The following CCDC18 variants were observed in gnomAD, a reference collection of about 807,000 sequenced individuals.
CCDC18 encodes coiled-coil domain-containing protein 18.
A neutral mutation model predicts 196.0 loss-of-function variants in CCDC18; 157 were observed. The observed-to-expected ratio is 0.80, with a 90% CI of 0.70 to 0.91. CCDC18 has a LOEUF of 0.91. Ranked by LOEUF, CCDC18 falls within the 40% of genes least tolerant of loss-of-function variation. The probability of loss-of-function intolerance (pLI) is 0.00; values close to 1 mark genes in which losing one functional copy is unlikely to be tolerated. For missense variants in CCDC18, 1,465 were observed against 1,611.6 expected (o/e 0.91, Z 1.56); for synonymous variants, 482 against 529.2 (o/e 0.91, Z 1.22).
chr1:93,240,500 A>G (rs1291474818), intron 21 of CCDC18, among the ~76,000 whole-genome samples: 3 of 152,212 alleles, frequency 2.0e-5, no homozygotes, highest in Non-Finnish European at 2.9e-5. Context: ...AGTATGAGAA[A>G]TAGGTTCAGA....
intron 11 of CCDC18, among the ~76,000 whole-genome samples, chr1:93,214,073 G>A (rs1656102158): frequency 6.6e-6 from 1 of 152,150 alleles, no homozygotes. Flanking sequence ...AAGGGGCATG[G>A]TCAAGTAACT....
chr1:93,217,592 T>G (rs1176830863), intron 13 of CCDC18, 146 bp from the exon 14 acceptor site: 4 of 607,772 alleles, frequency 6.6e-6, no homozygotes, highest in Non-Finnish European at 1.1e-5. Context: ...TGCCACCACA[T>G]CTACTTAGCT....
chr1:93,230,423 C>T (rs1255674983), intron 17 of CCDC18, among the ~76,000 whole-genome samples: 1 of 150,556 alleles, frequency 6.6e-6, no homozygotes, highest in Non-Finnish European at 1.5e-5. Flanking sequence ...ACCTGGGAGG[C>T]GGAGCTTGCA....
rs563825292 is a variant in CCDC18, at chr1:93,197,796, G to A, written c.698+4052G>A. 5.2e-4 allele frequency among the ~76,000 whole-genome samples: 68 copies of A among 129,584 alleles called. 1 individual carries two copies. The highest frequency in any genetic ancestry group is 1.2e-3 in the South Asian group (5 of 4,016). The allele number at this position is 129,584 out of a possible 152,430, so 85.0% of individuals were successfully genotyped here. A position where few individuals can be genotyped will look rare whatever the true frequency, so the allele number is the denominator to read the frequency against. Reference sequence around the variant, plus strand: ...AGACAGAGTCTCGCTCTGTCGCCCAGGCTGGAGTGCAGTGGCGCGATCTCG... The same window carrying A: ...AGACAGAGTCTCGCTCTGTCGCCCAAGCTGGAGTGCAGTGGCGCGATCTCG... On this transcript the variant is annotated intron_variant, in intron 6 of 28. Transcript: ENST00000690025.
chr1:93,222,776 C>T (rs1459092109), intron 16 of CCDC18, among the ~76,000 whole-genome samples: 1 of 152,152 alleles, frequency 6.6e-6, no homozygotes, highest in East Asian at 1.9e-4. Context: ...CTGAGTTGCC[C>T]GAAGTTTTGT....
At chr1:93,181,159 T>TTA (rs777168910) in intron 1 of CCDC18, among the ~76,000 whole-genome samples, 5 of 89,872 alleles carry the variant, frequency 5.6e-5, no homozygotes, top group Admixed American at 1.8e-4. Context: ...TCTATAAAAT[T>TTA]AAAAAAAAAA....
chr1:93,208,925 A>G (rs1655165953), intron 9 of CCDC18, among the ~76,000 whole-genome samples: 1 of 151,238 alleles, frequency 6.6e-6, no homozygotes, highest in Non-Finnish European at 1.5e-5. Context: ...TGGCCTCCCA[A>G]ACTGCTGGGA....
chr1:93,227,967 A>ATATATATAT (rs1176767918), intron 17 of CCDC18, among the ~76,000 whole-genome samples: 25 of 108,712 alleles, frequency 2.3e-4, no homozygotes, highest in African/African-American at 1.1e-3. Context: ...CAAAAAAAAA[A>ATATATATAT]AAAAATATAT....
chr1:93,200,907 A>G (rs1261513992), intron 6 of CCDC18, among the ~76,000 whole-genome samples: 1 of 152,236 alleles, frequency 6.6e-6, no homozygotes, highest in East Asian at 1.9e-4. Flanking sequence ...TGAGAAATAC[A>G]GGTATCCTTT....
At chr1:93,218,004 T>G in intron 14 of CCDC18, 135 bp downstream of exon 14, 1 of 666,048 alleles carries the variant, frequency 1.5e-6, no homozygotes, top group Admixed American at 2.7e-5. Context: ...AGAATCCCAA[T>G]CTTTCTGAAT....
chr1:93,202,086 G>C, intron 7 of CCDC18, 98 bp downstream of exon 7: 1 of 586,360 alleles, frequency 1.7e-6, no homozygotes, highest in Non-Finnish European at 2.8e-6. Context: ...TTGAGACAGA[G>C]AGTAATTTTT....
Position 93,210,918 on chromosome 1 carries a change from G to A in CCDC18, c.1326G>A (p.Ser442=), listed in dbSNP as rs1465708443. Residue 442 remains serine, a synonymous_variant, in exon 10 of 29, where the codon TCG becomes TCA. Coordinates refer to ENST00000690025, the MANE Select transcript of CCDC18 (RefSeq NM_001378204.1). ...GTGAGGCAAATAAATTGGTGATTTC[G>A]GAATTGAGGTACAATTTTCAGATTC... The part of the protein sequence containing the change: ...GCCEANKLVI[S]ELRIKLAIKE... The A allele has an allele frequency of 7.4e-6, 12 of 1,613,162 alleles. No individual in the cohort carries two copies. Among genetic ancestry groups the A allele is most frequent in the East Asian group, 4.5e-5 (2 of 44,832 alleles).
chr1:93,209,527 C>G (rs955236381), intron 9 of CCDC18, among the ~76,000 whole-genome samples: 2 of 152,108 alleles, frequency 1.3e-5, no homozygotes, highest in African/African-American at 4.8e-5. Flanking sequence ...TCTCAGAAAT[C>G]ATCTGATTCA....
chr1:93,195,096 C>G (rs1205132953), intron 6 of CCDC18, among the ~76,000 whole-genome samples: 2 of 152,122 alleles, frequency 1.3e-5, no homozygotes, highest in Non-Finnish European at 2.9e-5. Context: ...GTCTCAAACT[C>G]CTGACCTCAA....
intron 28 of CCDC18, chr1:93,273,446 A>T (rs1471079378): frequency 6.6e-6 from 1 of 152,240 alleles, no homozygotes; most frequent in Non-Finnish European, 1.5e-5. Context: ...ATTTAAGAAC[A>T]GGGAAGGTAT....
chr1:93,197,687 C>T (rs1322519744), intron 6 of CCDC18, among the ~76,000 whole-genome samples: 1 of 150,258 alleles, frequency 6.7e-6, no homozygotes, highest in Non-Finnish European at 1.5e-5. Flanking sequence ...AAAAGACTCT[C>T]AAAAACAAGT....
At chr1:93,272,935 G>A (rs187645402) in intron 28 of CCDC18, among the ~76,000 whole-genome samples, 1 of 136,830 alleles carries the variant, frequency 7.3e-6, no homozygotes, top group East Asian at 2.0e-4. Context: ...CAGGAGAGCA[G>A]TAGAGGAGTT....
chr1:93,252,953 T>C (rs1662464327), intron 23 of CCDC18, among the ~76,000 whole-genome samples: 1 of 152,248 alleles, frequency 6.6e-6, no homozygotes, highest in African/African-American at 2.4e-5. Context: ...ACTAAGGCTG[T>C]GGGAATGCTT....
At chr1:93,240,178 G>A (rs1570521950) in intron 21 of CCDC18, among the ~76,000 whole-genome samples, 2 of 152,164 alleles carry the variant, frequency 1.3e-5, no homozygotes, top group South Asian at 2.1e-4. Context: ...TATTAATAAT[G>A]ATAATATTGT....
Sources: gnomAD v4.1 joint callset for allele counts (sites outside exome capture counted in the v4.1 genomes callset) on GRCh38, gnomAD v4.1.1 for gene constraint, MANE v1.5 for transcripts, NCBI Gene and HGNC (gene_info 2026-07-23, HGNC 2026-07-21) for gene names.